Variants in WIF1 observed in about 807,000 individuals in gnomAD.
The protein encoded by WIF1 is Wnt inhibitory factor 1.
In WIF1, 35 loss-of-function variants were observed where a neutral mutation model predicts 53.5. The observed-to-expected ratio is 0.65, with a 90% confidence interval of 0.50 to 0.87. The LOEUF is 0.87. Among genes scored for constraint, WIF1 ranks in the 40% least tolerant of loss-of-function variants. The pLI is 0.00. For synonymous variants in WIF1, 171 were observed against 170.4 expected (o/e 1.00, Z -0.03); for missense variants, 467 against 476.8 (o/e 0.98, Z 0.19).
chr12:65,098,016 G>C (rs1883229858), intron 2 of WIF1, among the ~76,000 whole-genome samples: 2 of 152,154 alleles, frequency 1.3e-5, no homozygotes, highest in Admixed American at 6.6e-5. Context: ...ATGAGCCAAA[G>C]TTATAAAACA....
rs1215318278 is a variant in WIF1 at position 65,062,591 on chromosome 12, A to G, written c.731-15T>C. On this transcript the variant is annotated splice_polypyrimidine_tract_variant and intron_variant, in intron 6 of 9. Transcript: ENST00000286574. ...TGAGCAGTTTGCTGTTAGAATGAGT[A>G]ACAGGGGTGTTGCATTAGACAGTAG... 3 of 1,596,836 alleles carry G rather than the reference A, an allele frequency of 1.9e-6. No homozygotes were observed. The highest frequency in any genetic ancestry group is 2.6e-6 in the Non-Finnish European group (3 of 1,168,892).
At chr12:65,092,757 G>A (rs1883145464) in intron 2 of WIF1, among the ~76,000 whole-genome samples, 2 of 152,108 alleles carry the variant, frequency 1.3e-5, no homozygotes, top group Middle Eastern at 3.4e-3. Flanking sequence ...ATGGTTATGA[G>A]CATGCAGCTC....
intron 7 of WIF1, among the ~76,000 whole-genome samples, chr12:65,059,085 G>A (rs1258774876): frequency 6.6e-6 from 1 of 151,702 alleles, no homozygotes; most frequent in East Asian, 1.9e-4. Flanking sequence ...ACTAAGCCCT[G>A]TCTAAAGACA....
At chr12:65,114,168 T>A (rs886707478) in intron 2 of WIF1, among the ~76,000 whole-genome samples, 1 of 99,502 alleles carries the variant, frequency 1.0e-5, no homozygotes, top group Non-Finnish European at 2.6e-5. Flanking sequence ...ATTTACCCTA[T>A]TTTTTTTATT....
intron 2 of WIF1, among the ~76,000 whole-genome samples, chr12:65,095,145 G>T (rs893068377): frequency 5.4e-5 from 8 of 148,224 alleles, no homozygotes; most frequent in Non-Finnish European, 1.2e-4. Context: ...TTACTATGTT[G>T]CCCAAGCTGG....
chr12:65,088,738 C>T (rs1320408748), intron 2 of WIF1, among the ~76,000 whole-genome samples: 7 of 152,000 alleles, frequency 4.6e-5, no homozygotes, highest in Non-Finnish European at 1.0e-4. Context: ...TTTCCTTCTC[C>T]TTCTCCAATC....
rs763655286 is a variant in WIF1, at chr12:65,077,783, A to T, written c.360T>A (p.Asn120Lys). 1.2e-6 allele frequency: 2 copies of T among 1,613,946 alleles called. No individual in the cohort carries two copies. The highest frequency in any genetic ancestry group is 1.1e-5 in the South Asian group (1 of 91,078). The change falls in exon 3 of 10, where the codon AAT becomes AAA. Residue 120 changes from asparagine (N) to lysine (K), a missense_variant. By Grantham distance (94) the Asn-to-Lys change is moderately conservative. Coordinates refer to ENST00000286574, the MANE Select transcript of WIF1 (RefSeq NM_007191.5). ...DKGIMADPTVNVPLLGTVPHK... is the reference protein window; with the variant it reads ...DKGIMADPTVKVPLLGTVPHK... ...GAGGCACTGTTCCCAGCAGAGGGAC[A>T]TTGACGGTTGGATCTGCCATGATGC...
chr12:65,083,502 T>C (rs1432292069), intron 2 of WIF1, among the ~76,000 whole-genome samples: 1 of 152,204 alleles, frequency 6.6e-6, no homozygotes, highest in East Asian at 1.9e-4. Flanking sequence ...CATTTCCTCA[T>C]TAACTCTCAG....
At chr12:65,068,942 AT>A (rs775207410) in intron 3 of WIF1, 38 bp from the exon 4 acceptor site, 2 of 1,598,584 alleles carry the variant, frequency 1.3e-6, no homozygotes, top group Non-Finnish European at 1.7e-6. Context: ...GAAATAGTTA[AT>A]CTAGTTGATT....
At chr12:65,072,838 C>T (rs934868379) in intron 3 of WIF1, among the ~76,000 whole-genome samples, 5 of 152,110 alleles carry the variant, frequency 3.3e-5, no homozygotes, top group African/African-American at 7.2e-5. Flanking sequence ...TGTTCCCAAA[C>T]GCTAGATGAA....
chr12:65,121,033 G>A lies in WIF1; in HGVS notation c.148+11C>T. 3 of 1,453,610 alleles carry A rather than the reference G, an allele frequency of 2.1e-6. No individual in the cohort carries two copies. The highest frequency in any genetic ancestry group is 2.7e-6 in the Non-Finnish European group (3 of 1,092,138). The allele number at this position is 1,453,610 out of a possible 1,614,324, so 90.0% of individuals were successfully genotyped here. On this transcript the variant is annotated intron_variant, in intron 1 of 9. Transcript: ENST00000286574. ...ATAGGCAGGGGAAGGCGCTGGAGGC[G>A]GGGGCCTTACCTATGAGTACTCTTG...
At chr12:65,097,049 A>G (rs1213834381) in intron 2 of WIF1, among the ~76,000 whole-genome samples, 2 of 151,726 alleles carry the variant, frequency 1.3e-5, no homozygotes, top group African/African-American at 4.8e-5. Flanking sequence ...ACAGATCAAC[A>G]GAAAAAAACT....
chr12:65,063,935 C>CA, intron 6 of WIF1, among the ~76,000 whole-genome samples: 1 of 152,148 alleles, frequency 6.6e-6, no homozygotes, highest in South Asian at 2.1e-4. Flanking sequence ...ACACAGGTCA[C>CA]AAAAAAATTC....
intron 2 of WIF1, among the ~76,000 whole-genome samples, chr12:65,086,618 A>C (rs1883041789): frequency 6.6e-6 from 1 of 151,954 alleles, no homozygotes. Flanking sequence ...AGAAAGCAGC[A>C]GTGTGTGTGC....
At chr12:65,117,434 G>A (rs578183386) in intron 2 of WIF1, among the ~76,000 whole-genome samples, 1 of 152,286 alleles carries the variant, frequency 6.6e-6, no homozygotes, top group South Asian at 2.1e-4. Flanking sequence ...AGTGGAACAC[G>A]AGATGCATTT....
intron 7 of WIF1, among the ~76,000 whole-genome samples, chr12:65,061,617 A>G (rs1315008035): frequency 1.3e-5 from 2 of 152,232 alleles, no homozygotes; most frequent in Non-Finnish European, 2.9e-5. Context: ...CTGGACAAGC[A>G]GTTTGGAATA....
At chr12:65,067,639 G>A in intron 5 of WIF1, 56 bp downstream of exon 5, 2 of 1,531,304 alleles carry the variant, frequency 1.3e-6, no homozygotes, top group Non-Finnish European at 9.0e-7. Context: ...TGGGGCTCCT[G>A]CACGACATCC....
chr12:65,062,546 C>T lies in WIF1; in HGVS notation c.761G>A (p.Gly254Glu), dbSNP rs1254859822. The change falls in exon 7 of 10, where the codon GGG becomes GAG. Residue 254 changes from glycine to glutamate, a missense_variant. Transcript: ENST00000286574. ...ACATTTTCCAGGGTAGAAACAGGTCCCTCCATTAAAGCAGGTGGTTGAGCA... is the reference window on the plus strand; with the variant it reads ...ACATTTTCCAGGGTAGAAACAGGTCTCTCCATTAAAGCAGGTGGTTGAGCA... Reference protein sequence around the residue: ...ANCSTTCFNGGTCFYPGKCIC... With the variant: ...ANCSTTCFNGETCFYPGKCIC... The T allele has an allele frequency of 8.1e-6, 13 of 1,608,450 alleles. No homozygotes were observed. The highest frequency in any genetic ancestry group is 1.1e-5 in the Non-Finnish European group (13 of 1,177,000).
intron 2 of WIF1, among the ~76,000 whole-genome samples, chr12:65,112,844 T>G (rs1431212896): frequency 2.0e-5 from 3 of 152,162 alleles, no homozygotes; most frequent in African/African-American, 7.2e-5. Flanking sequence ...ATGGGACTCA[T>G]TCTTTGGGAT....
Sources: allele counts gnomAD v4.1 joint callset (sites outside exome capture counted in the v4.1 genomes callset), GRCh38; gene constraint gnomAD v4.1.1; transcripts MANE v1.5; gene names NCBI Gene and HGNC (gene_info 2026-07-23, HGNC 2026-07-21).